Variants in PAFAH1B2 observed in about 807,000 individuals in gnomAD.
PAFAH1B2 encodes platelet activating factor acetylhydrolase 1b catalytic subunit 2.
Under a neutral mutation model 28.0 loss-of-function variants are expected in PAFAH1B2, and 8 were observed. The observed-to-expected ratio is 0.29, with a 90% confidence interval of 0.17 to 0.52. The LOEUF is 0.52. PAFAH1B2 is among the 20% of genes least tolerant of loss of function. The pLI is 0.97. For synonymous variants in PAFAH1B2, 104 were observed against 103.2 expected (o/e 1.01, Z -0.05); for missense variants, 190 against 282.6 (o/e 0.67, Z 2.35).
intron 2 of PAFAH1B2, among the ~76,000 whole-genome samples, chr11:117,152,851 T>A (rs1378764742): frequency 6.6e-6 from 1 of 152,296 alleles, no homozygotes; most frequent in East Asian, 1.9e-4. Context: ...GGTGGGCGGA[T>A]CACAAGGTCA....
Position 117,144,412 on chromosome 11 carries a change from T to C in PAFAH1B2, c.-14T>C. 1 of 373,926 alleles carries C rather than the reference T, an allele frequency of 2.7e-6. No individual in the cohort carries two copies. Among genetic ancestry groups the C allele is most frequent in the Non-Finnish European group, 5.6e-6 (1 of 179,882 alleles). 23.2% of individuals were successfully genotyped at this position (373,926 alleles called of 1,614,324 possible). A position where few individuals can be genotyped will look rare whatever the true frequency, so the allele number is the denominator to read the frequency against. On this transcript the variant is annotated 5_prime_UTR_variant, in exon 1 of 6. Coordinates refer to ENST00000527958, the MANE Select transcript of PAFAH1B2 (RefSeq NM_002572.4). ...CCGCTTGGGGCCCGCACGGACCCTCTACTTCAGTGAGTGCATCCAGGGTCG... is the reference window on the plus strand; with the variant it reads ...CCGCTTGGGGCCCGCACGGACCCTCCACTTCAGTGAGTGCATCCAGGGTCG...
intron 2 of PAFAH1B2, among the ~76,000 whole-genome samples, chr11:117,153,015 G>A (rs1235639031): frequency 1.3e-5 from 2 of 152,130 alleles, no homozygotes; most frequent in Non-Finnish European, 2.9e-5. Context: ...GCAGTGAGCC[G>A]AGATTGTGCC....
rs919653913 is a variant in PAFAH1B2, at chr11:117,169,311, A to G, written c.*1612A>G. 3.4e-5 allele frequency: 36 copies of G among 1,045,580 alleles called. No homozygotes were observed. Among genetic ancestry groups the G allele is most frequent in the Admixed American group, 1.7e-4 (3 of 18,012 alleles). 64.8% of individuals were successfully genotyped at this position (1,045,580 alleles called of 1,614,324 possible). A position where few individuals can be genotyped will look rare whatever the true frequency, so the allele number is the denominator to read the frequency against. On this transcript the variant is annotated 3_prime_UTR_variant, in exon 6 of 6. Coordinates refer to ENST00000527958, the MANE Select transcript of PAFAH1B2 (RefSeq NM_002572.4). ...AAGAACTGCCATTAAAAAAAATGGG[A>G]TAATAGATGATTTTATCAGTATACC...
chr11:117,156,341 C>T (rs564969671), intron 2 of PAFAH1B2, among the ~76,000 whole-genome samples: 1 of 152,272 alleles, frequency 6.6e-6, no homozygotes, highest in South Asian at 2.1e-4. Context: ...TCTTTAACAA[C>T]TCTAAAATGG....
Position 117,168,702 on chromosome 11 carries a change from T to G in PAFAH1B2, c.*1003T>G. 1 of 1,060,682 alleles carries G rather than the reference T, an allele frequency of 9.4e-7. No individual in the cohort carries two copies. Among genetic ancestry groups the G allele is most frequent in the Non-Finnish European group, 1.1e-6 (1 of 875,826 alleles). The allele number at this position is 1,060,682 out of a possible 1,614,324, so 65.7% of individuals were successfully genotyped here. ...TTTTGGGGGTGGGGGGATTCAGAAC[T>G]CTTGTTTCCCATTCCATAGCACCTG... On this transcript the variant is annotated 3_prime_UTR_variant, in exon 6 of 6. Transcript: ENST00000527958.
intron 1 of PAFAH1B2, among the ~76,000 whole-genome samples, chr11:117,151,896 G>T (rs890766037): frequency 7.3e-5 from 11 of 151,474 alleles, no homozygotes; most frequent in Non-Finnish European, 1.5e-4. Context: ...TTTAGTAGAG[G>T]CAGGGTTTCA....
intron 4 of PAFAH1B2, among the ~76,000 whole-genome samples, chr11:117,161,512 G>GT (rs35812569): frequency 0.73 from 106,209 of 144,580 alleles, 39,507 homozygotes; most frequent in Non-Finnish European, 0.81. Context: ...TGAAGGAAGA[G>GT]TTTTTTTTTT....
At chr11:117,167,265 G>T (rs1311462607) in intron 5 of PAFAH1B2, among the ~76,000 whole-genome samples, 156 bp from the exon 6 acceptor site, 1 of 152,096 alleles carries the variant, frequency 6.6e-6, no homozygotes, top group African/African-American at 2.4e-5. Context: ...AGAAGAAATG[G>T]TTAGCTTTCA....
intron 1 of PAFAH1B2, among the ~76,000 whole-genome samples, chr11:117,145,982 G>T (rs1285198787): frequency 1.3e-5 from 2 of 152,136 alleles, no homozygotes; most frequent in African/African-American, 4.8e-5. Context: ...CGTGCAAGTC[G>T]GTTACTCCTC....
intron 5 of PAFAH1B2, among the ~76,000 whole-genome samples, chr11:117,166,091 C>T (rs1298241086): frequency 6.6e-6 from 1 of 152,116 alleles, no homozygotes; most frequent in African/African-American, 2.4e-5. Flanking sequence ...GATCTGCCCG[C>T]CTCATCCTCC....
At chr11:117,148,368 T>A (rs1207117105) in intron 1 of PAFAH1B2, among the ~76,000 whole-genome samples, 5 of 152,132 alleles carry the variant, frequency 3.3e-5, no homozygotes, top group African/African-American at 1.2e-4. Context: ...TGTAGTCTTT[T>A]CTAATCAGAA....
chr11:117,144,292 AGCT>A lies in PAFAH1B2; in HGVS notation c.-126_-124del. 1 of 376,440 alleles carries A rather than the reference AGCT, an allele frequency of 2.7e-6. No homozygotes were observed. The allele number at this position is 376,440 out of a possible 1,614,324, so 23.3% of individuals were successfully genotyped here. A position where few individuals can be genotyped will look rare whatever the true frequency, so the allele number is the denominator to read the frequency against. ...GTGGCAGGGGAACCGGAAGTGGAGG[AGCT>A]GCTGCTGGTGCTGGGGCCGGAGGAG... is the stretch of plus-strand genomic sequence containing the variant. On this transcript the variant is annotated 5_prime_UTR_variant, in exon 1 of 6. Coordinates refer to ENST00000527958, the MANE Select transcript of PAFAH1B2 (RefSeq NM_002572.4).
chr11:117,149,536 C>A (rs1253339552), intron 1 of PAFAH1B2, among the ~76,000 whole-genome samples: 2 of 140,622 alleles, frequency 1.4e-5, no homozygotes, highest in East Asian at 2.1e-4. Flanking sequence ...ACGCCATTCT[C>A]CTGCCTCAGC....
intron 1 of PAFAH1B2, among the ~76,000 whole-genome samples, chr11:117,146,034 C>T (rs754328712): frequency 3.3e-5 from 5 of 152,108 alleles, no homozygotes; most frequent in Admixed American, 2.0e-4. Context: ...CAAAGCTTCC[C>T]CTGGAGTACA....
At chr11:117,163,923 T>G in intron 5 of PAFAH1B2, 31 bp downstream of exon 5, 4 of 1,608,404 alleles carry the variant, frequency 2.5e-6, no homozygotes, top group Non-Finnish European at 3.4e-6. Context: ...AGAGAGTTTG[T>G]TATCTTTAGG....
At chr11:117,172,396 ATATATATATTTTT>A (rs1956688977), downstream of PAFAH1B2, among the ~76,000 whole-genome samples, 1 of 2,500 alleles carries the variant, frequency 4.0e-4, no homozygotes, top group Non-Finnish European at 8.6e-4. Flanking sequence ...ATATATATAT[ATATATATATTTTT>A]TTTTTTTTTT....
chr11:117,160,156 T>G, intron 3 of PAFAH1B2, 133 bp downstream of exon 3: 1 of 689,514 alleles, frequency 1.5e-6, no homozygotes, highest in Non-Finnish European at 2.6e-6. Flanking sequence ...TATAAGAGAA[T>G]CAAAGCTACC....
At chr11:117,172,585 C>T (rs1463001487), downstream of PAFAH1B2, among the ~76,000 whole-genome samples, 2 of 151,928 alleles carry the variant, frequency 1.3e-5, no homozygotes, top group African/African-American at 2.4e-5. Context: ...TAATTTGTAA[C>T]CTTCCACCCT....
At position 117,169,845 on chromosome 11, in the gene PAFAH1B2, G is replaced by C. The variant is rs1439626745; in HGVS notation, c.*2146G>C. 7 of 1,055,474 alleles carry C rather than the reference G, an allele frequency of 6.6e-6. No individual in the cohort carries two copies. Among genetic ancestry groups the C allele is most frequent in the Non-Finnish European group, 2.3e-6 (2 of 873,232 alleles). 65.4% of individuals were successfully genotyped at this position (1,055,474 alleles called of 1,614,324 possible). ...CCACGTCTTTTTCTGTTTGTCAGAAGGTGGGAGTATGGTCCAAATAAATCC... is the reference window on the plus strand; with the variant it reads ...CCACGTCTTTTTCTGTTTGTCAGAACGTGGGAGTATGGTCCAAATAAATCC... On this transcript the variant is annotated 3_prime_UTR_variant, in exon 6 of 6. Coordinates refer to ENST00000527958, the MANE Select transcript of PAFAH1B2 (RefSeq NM_002572.4).
Sources: gnomAD v4.1 joint callset for allele counts (sites outside exome capture counted in the v4.1 genomes callset) on GRCh38, gnomAD v4.1.1 for gene constraint, MANE v1.5 for transcripts, NCBI Gene and HGNC (gene_info 2026-07-23, HGNC 2026-07-21) for gene names.